Variants in AGO2 observed in about 807,000 individuals in gnomAD.
AGO2 encodes the protein argonaute RISC catalytic component 2.
In AGO2, 5 loss-of-function variants were observed where a neutral mutation model predicts 102.3. The observed-to-expected ratio is 0.05, with a 90% CI of 0.03 to 0.10. The LOEUF is 0.10. Ranked by LOEUF, AGO2 falls within the 10% of genes least tolerant of loss-of-function variation. The pLI is 1.00. For synonymous variants in AGO2, 449 were observed against 473.1 expected (o/e 0.95, Z 0.66); for missense variants, 541 against 1,183.7 (o/e 0.46, Z 7.97).
rs144165967 is a variant in AGO2 at position 140,557,125 on chromosome 8, G to A, written c.990C>T (p.Val330=). The A allele has an allele frequency of 1.1e-5, 18 of 1,613,960 alleles. No homozygotes were observed. In the African/African-American group the frequency reaches 1.6e-4, roughly 14 times the overall value. Residue 330 remains valine (V), a synonymous_variant, in exon 8 of 19, where the codon GTC becomes GTT. Transcript: ENST00000220592. The surrounding 1 kb of genome is among the most constrained non-coding windows in gnomAD (Gnocchi z 5.9). ...LRYPHLPCLQ[V]GQEQKHTYLP... is the part of the protein sequence containing the mutation. ...GGTAGGTGTGTTTCTGCTCCTGTCC[G>A]ACTTGTAAACATGGGAGGTGGGGGT...
At chr8:140,626,023 C>A (rs1459062263) in intron 1 of AGO2, among the ~76,000 whole-genome samples, 1 of 152,232 alleles carries the variant, frequency 6.6e-6, no homozygotes, top group Non-Finnish European at 1.5e-5. Context: ...GCCCCCCTGC[C>A]CCAGTCACCA....
Position 140,535,489 on chromosome 8 carries a change from C to A in AGO2, c.2250G>T (p.Leu750=). ...ITHPTEFDFY[L]CSHAGIQGTS... ...TTACCTGGATGCCAGCGTGACTACA[C>A]AGGTAGAAGTCGAACTCGGTGGGGT... is the stretch of plus-strand genomic sequence containing the variant. The change falls in exon 17 of 19, where the codon CTG becomes CTT. Residue 750 remains leucine, a synonymous_variant. Transcript: ENST00000220592. The A allele has an allele frequency of 6.2e-7, 1 of 1,614,262 alleles. No individual in the cohort carries two copies. Among genetic ancestry groups the A allele is most frequent in the Non-Finnish European group, 8.5e-7 (1 of 1,180,034 alleles).
At chr8:140,628,862 G>C (rs2074307079) in intron 1 of AGO2, among the ~76,000 whole-genome samples, 2 of 152,064 alleles carry the variant, frequency 1.3e-5, no homozygotes, top group African/African-American at 4.8e-5. Context: ...GAGCCACCGT[G>C]GATCACCTGA....
Position 140,531,948 on chromosome 8 carries a change from T to C in AGO2, c.*96A>G. The C allele has an allele frequency of 2.9e-6, 3 of 1,031,652 alleles. No individual in the cohort carries two copies. The highest frequency in any genetic ancestry group is 4.5e-6 in the Non-Finnish European group (3 of 666,466). 63.9% of individuals were successfully genotyped at this position (1,031,652 alleles called of 1,614,324 possible). On this transcript the variant is annotated 3_prime_UTR_variant, in exon 19 of 19. Coordinates refer to ENST00000220592, the MANE Select transcript of AGO2 (RefSeq NM_012154.5). The stretch of plus-strand genomic sequence containing the variant: ...AAAATCAATGACGTCTCATGTTCGA[T>C]GCTGGCTGTCACGGAAGGGCTGGCC...
chr8:140,611,678 T>C (rs1326296810), intron 1 of AGO2, among the ~76,000 whole-genome samples: 1 of 151,508 alleles, frequency 6.6e-6, no homozygotes, highest in Non-Finnish European at 1.5e-5. Flanking sequence ...AAGTGGGGGG[T>C]GCACATACCC....
At chr8:140,591,396 T>C (rs906063250) in intron 1 of AGO2, among the ~76,000 whole-genome samples, 3 of 152,236 alleles carry the variant, frequency 2.0e-5, no homozygotes, top group African/African-American at 7.2e-5. Context: ...AACGCTGCGC[T>C]GAGGCCGACA....
chr8:140,635,474 C>A lies in AGO2; in HGVS notation c.22+11G>T. On this transcript the variant is annotated intron_variant, in intron 1 of 18. Transcript: ENST00000220592. ...AACGGCCGGGCGGGCGCCCCGAGCG[C>A]CAGGACTCACCGGGGCCGGCTCCCG... 1.0e-6 allele frequency: 1 copy of A among 980,330 alleles called. No homozygotes were observed. Among genetic ancestry groups the A allele is most frequent in the South Asian group, 4.5e-5 (1 of 22,072 alleles). 60.7% of individuals were successfully genotyped at this position (980,330 alleles called of 1,614,324 possible). A position where few individuals can be genotyped will look rare whatever the true frequency, so the allele number is the denominator to read the frequency against.
At chr8:140,609,684 G>C (rs1039112841) in intron 1 of AGO2, among the ~76,000 whole-genome samples, 2 of 152,168 alleles carry the variant, frequency 1.3e-5, no homozygotes, top group Admixed American at 6.5e-5. Context: ...GGTCTGTTTT[G>C]GTTGCTGCTT....
intron 2 of AGO2, among the ~76,000 whole-genome samples, chr8:140,575,449 C>T (rs2073449780): frequency 6.6e-6 from 1 of 152,202 alleles, no homozygotes; most frequent in African/African-American, 2.4e-5. Context: ...TACAAAGGGT[C>T]CCCAACCTTC....
intron 1 of AGO2, among the ~76,000 whole-genome samples, chr8:140,612,154 C>T (rs985441049): frequency 3.1e-5 from 4 of 129,658 alleles, no homozygotes; most frequent in Admixed American, 2.7e-4. Flanking sequence ...ACCTGAGAGG[C>T]GGAGGTTGCA....
At chr8:140,587,073 C>T (rs1194617003) in intron 1 of AGO2, among the ~76,000 whole-genome samples, 1 of 152,152 alleles carries the variant, frequency 6.6e-6, no homozygotes, top group Non-Finnish European at 1.5e-5. Flanking sequence ...GGCCCCTCCA[C>T]CGGGCCCCCA....
chr8:140,618,645 T>C (rs1007593015), intron 1 of AGO2, among the ~76,000 whole-genome samples: 1 of 152,018 alleles, frequency 6.6e-6, no homozygotes, highest in African/African-American at 2.4e-5. Context: ...CTGGGCAACA[T>C]GGTGAAAACC....
At chr8:140,552,210 G>A (rs565691807) in intron 10 of AGO2, among the ~76,000 whole-genome samples, 4 of 152,346 alleles carry the variant, frequency 2.6e-5, no homozygotes, top group African/African-American at 9.6e-5. Flanking sequence ...TGAGCCCATA[G>A]CTTTTTCCAC....
chr8:140,545,580 G>A lies in AGO2; in HGVS notation c.1749-1277C>T, dbSNP rs569364244. Among the ~76,000 whole-genome samples the A allele has an allele frequency of 7.3e-4, 111 of 152,120 alleles. 1 individual carries two copies. The highest frequency in any genetic ancestry group is 7.4e-4 in the Non-Finnish European group (50 of 68,022). On this transcript the variant is annotated intron_variant, in intron 13 of 18. Coordinates refer to ENST00000220592, the MANE Select transcript of AGO2 (RefSeq NM_012154.5). ...GTCCACTCATCAGCTGCACTCAAAT[G>A]ACCTGCAGACGCTGTGGGGGCCAGT...
chr8:140,604,324 G>A (rs890474099), intron 1 of AGO2, among the ~76,000 whole-genome samples: 4 of 152,194 alleles, frequency 2.6e-5, no homozygotes, highest in African/African-American at 4.8e-5. Context: ...TTACATAAGC[G>A]AAAATGCTTA....
intron 8 of AGO2, 103 bp downstream of exon 8, chr8:140,556,986 T>G: frequency 6.8e-7 from 1 of 1,464,178 alleles, no homozygotes; most frequent in Non-Finnish European, 9.2e-7. Flanking sequence ...GCAGTGCCAT[T>G]TGTATCTGAC....
intron 12 of AGO2, among the ~76,000 whole-genome samples, chr8:140,548,706 G>A (rs575290331): frequency 2.6e-4 from 39 of 152,332 alleles, no homozygotes; most frequent in African/African-American, 8.7e-4. Flanking sequence ...GGACTTTGGC[G>A]AAACTCCACA....
chr8:140,595,729 G>A (rs1350321790), intron 1 of AGO2, among the ~76,000 whole-genome samples: 1 of 123,146 alleles, frequency 8.1e-6, no homozygotes, highest in African/African-American at 3.1e-5. Flanking sequence ...TATATAATAT[G>A]TAAATGTTAT....
Position 140,608,688 on chromosome 8 carries a change from C to T in AGO2, c.23-23377G>A, listed in dbSNP as rs183709285. On this transcript the variant is annotated intron_variant, in intron 1 of 18. Transcript: ENST00000220592. The stretch of plus-strand genomic sequence containing the variant: ...AAGTGCCATTCCCCAACCTCCACTG[C>T]GCAGGCCAAGCACCTGCAGTTTGGG... Among the ~76,000 whole-genome samples the T allele has an allele frequency of 4.2e-3, 641 of 152,346 alleles. 9 individuals are homozygous for T. Among genetic ancestry groups the T allele is most frequent in the African/African-American group, 0.014 (593 of 41,570 alleles).
Sources: allele counts gnomAD v4.1 joint callset (sites outside exome capture counted in the v4.1 genomes callset), GRCh38; gene constraint gnomAD v4.1.1; non-coding constraint Gnocchi (gnomAD v3.1); transcripts MANE v1.5; gene names NCBI Gene and HGNC (gene_info 2026-07-23, HGNC 2026-07-21).